The following TBX18 variants were observed in gnomAD, a reference collection of about 807,000 sequenced individuals.
TBX18 encodes the protein T-box transcription factor TBX18.
TBX18 carries 21 observed loss-of-function variants against 55.0 expected under a neutral mutation model. The observed-to-expected ratio is 0.38, with a 90% CI of 0.27 to 0.55. The LOEUF (loss-of-function observed/expected upper bound fraction) is 0.55, where lower values mean the gene tolerates loss of function less well. Ranked by LOEUF, TBX18 falls within the 20% of genes least tolerant of loss-of-function variation. The pLI is 0.73. For synonymous variants in TBX18, 342 were observed against 326.1 expected (o/e 1.05, Z -0.53); for missense variants, 840 against 799.6 (o/e 1.05, Z -0.61).
In TBX18 at chr6:84,736,685, T is replaced by C. The variant is rs753836610; in HGVS notation, c.1824A>G (p.Ter608TrpextTer1). The C allele has an allele frequency of 6.5e-7, 1 of 1,535,370 alleles. No homozygotes were observed. The highest frequency in any genetic ancestry group is 8.7e-7 in the Non-Finnish European group (1 of 1,144,144). The change falls in exon 8 of 8, where the codon TGA (stop) becomes TGG (tryptophan). Residue 608 changes from the stop codon to tryptophan, a stop_lost. Coordinates refer to ENST00000369663, the MANE Select transcript of TBX18 (RefSeq NM_001080508.3). ...SSSQVSAHMV[*>W] ...AATGTCATTTAACTTAAAGGCTTCA[T>C]CAGACCATATGTGCAGATACTTGAG...
At chr6:84,757,105 C>T (rs1767511897) in intron 3 of TBX18, among the ~76,000 whole-genome samples, 1 of 152,152 alleles carries the variant, frequency 6.6e-6, no homozygotes, top group Non-Finnish European at 1.5e-5. Flanking sequence ...TGCATACTAT[C>T]ACCACCATAA....
chr6:84,748,663 C>A (rs1767261577), intron 4 of TBX18, among the ~76,000 whole-genome samples: 1 of 152,190 alleles, frequency 6.6e-6, no homozygotes, highest in East Asian at 1.9e-4. Flanking sequence ...CACAATGAGG[C>A]TTCCATTACT....
intron 3 of TBX18, among the ~76,000 whole-genome samples, chr6:84,757,567 A>G (rs772255029): frequency 6.6e-6 from 1 of 152,066 alleles, no homozygotes; most frequent in Non-Finnish European, 1.5e-5. Flanking sequence ...CTTTCAAATC[A>G]TTTTTCAAAT....
chr6:84,758,407 CAA>C (rs1217785377), intron 3 of TBX18, among the ~76,000 whole-genome samples: 23 of 86,054 alleles, frequency 2.7e-4, no homozygotes, highest in Non-Finnish European at 2.1e-4. Context: ...GACTCCATCT[CAA>C]AAAAAAAAAA....
chr6:84,750,907 T>TATTTCTTAATTA (rs1767331225), intron 4 of TBX18, among the ~76,000 whole-genome samples: 2 of 152,170 alleles, frequency 1.3e-5, no homozygotes, highest in African/African-American at 4.8e-5. Context: ...CCTCCCTCTT[T>TATTTCTTAATTA]ATTTCTTAAT....
At position 84,744,242 on chromosome 6, in the gene TBX18, G is replaced by C. The variant is rs1444721774; in HGVS notation, c.1004+19C>G. The stretch of plus-strand genomic sequence containing the variant: ...CAAATATATTTATCATAACCGGAAT[G>C]GTCTTCACTAAGGCCCACCTGTTGC... On this transcript the variant is annotated intron_variant, in intron 6 of 7. Coordinates refer to ENST00000369663, the MANE Select transcript of TBX18 (RefSeq NM_001080508.3). 2 of 1,600,232 alleles carry C rather than the reference G, an allele frequency of 1.2e-6. No homozygotes were observed. The highest frequency in any genetic ancestry group is 2.2e-5 in the South Asian group (2 of 88,896).
At chr6:84,746,872 TAATA>T (rs1383705768) in intron 5 of TBX18, among the ~76,000 whole-genome samples, 6 of 150,994 alleles carry the variant, frequency 4.0e-5, no homozygotes, top group Non-Finnish European at 7.4e-5. Flanking sequence ...TTAGCATAGA[TAATA>T]AATATATTAT....
intron 4 of TBX18, among the ~76,000 whole-genome samples, chr6:84,748,767 T>C (rs1033461720): frequency 6.6e-6 from 1 of 152,182 alleles, no homozygotes; most frequent in Non-Finnish European, 1.5e-5. Context: ...TGATTCCACA[T>C]CTGAGAATTT....
chr6:84,748,031 G>A lies in TBX18; in HGVS notation c.828C>T (p.Asp276=). Residue 276 remains aspartate (D), a synonymous_variant, in exon 5 of 8, where the codon GAC becomes GAT. Coordinates refer to ENST00000369663, the MANE Select transcript of TBX18 (RefSeq NM_001080508.3). ...YQPRVHVIRK[D]CGDDLSPIKP... is the part of the protein sequence containing the mutation. ...TGATGGGAGAAAGATCGTCTCCACAGTCTTTACGGATGACGTGCACTCGCG... is the reference window on the plus strand; with the variant it reads ...TGATGGGAGAAAGATCGTCTCCACAATCTTTACGGATGACGTGCACTCGCG... 2.5e-6 allele frequency: 4 copies of A among 1,613,552 alleles called. No homozygotes were observed. The highest frequency in any genetic ancestry group is 1.7e-4 in the Middle Eastern group (1 of 6,056).
intron 4 of TBX18, 135 bp downstream of exon 4, chr6:84,756,563 C>T: frequency 1.2e-6 from 1 of 810,594 alleles, no homozygotes; most frequent in Non-Finnish European, 1.9e-6. Flanking sequence ...AAACTTGATT[C>T]TGCAAAGACA....
rs1206463348 is a variant in TBX18 at position 84,732,932 on chromosome 6, G to C, written c.*3753C>G. The C allele has an allele frequency of 6.6e-6, 1 of 151,928 alleles. No homozygotes were observed. Among genetic ancestry groups the C allele is most frequent in the East Asian group, 1.9e-4 (1 of 5,190 alleles). 9.4% of individuals were successfully genotyped at this position (151,928 alleles called of 1,614,324 possible). ...AAATATTTATATAATAGGACCATAT[G>C]AATTGGAAACTAAAAGGAATACTAA... is the stretch of plus-strand genomic sequence containing the variant. On this transcript the variant is annotated 3_prime_UTR_variant, in exon 8 of 8. Transcript: ENST00000369663.
intron 2 of TBX18, 133 bp downstream of exon 2, chr6:84,762,411 C>G: frequency 9.4e-7 from 1 of 1,062,852 alleles, no homozygotes; most frequent in Non-Finnish European, 1.5e-6. Flanking sequence ...CGGTCTGGGG[C>G]CTGGTCCCGT....
intron 4 of TBX18, among the ~76,000 whole-genome samples, chr6:84,754,374 A>G (rs991689499): frequency 6.6e-6 from 1 of 152,170 alleles, no homozygotes; most frequent in Non-Finnish European, 1.5e-5. Flanking sequence ...TTTTACCATT[A>G]CCAAAGGCAA....
rs186964067 is a variant in TBX18, at chr6:84,764,447, C to T, written c.-266G>A. ...ACTGATGCACTCCTTTGCTCCCACCCCTTCCACCTCCTCCTGCTGCTCCGA... is the reference window on the plus strand; with the variant it reads ...ACTGATGCACTCCTTTGCTCCCACCTCTTCCACCTCCTCCTGCTGCTCCGA... On this transcript the variant is annotated 5_prime_UTR_variant, in exon 1 of 8. Coordinates refer to ENST00000369663, the MANE Select transcript of TBX18 (RefSeq NM_001080508.3). 2.5e-5 allele frequency: 11 copies of T among 434,732 alleles called. No individual in the cohort carries two copies. The East Asian group carries it at 3.8e-4, about 15-fold the overall frequency. 26.9% of individuals were successfully genotyped at this position (434,732 alleles called of 1,614,324 possible).
intron 4 of TBX18, among the ~76,000 whole-genome samples, chr6:84,750,521 CATAT>C (rs1292917123): frequency 6.6e-6 from 1 of 152,068 alleles, no homozygotes; most frequent in Non-Finnish European, 1.5e-5. Flanking sequence ...CATTACATTA[CATAT>C]ATTTAAGTCT....
chr6:84,762,818 C>A, intron 1 of TBX18, 70 bp from the exon 2 acceptor site: 1 of 1,449,122 alleles, frequency 6.9e-7, no homozygotes, highest in Non-Finnish European at 9.5e-7. Context: ...CGGAGACGGG[C>A]CCACCTGGTG....
chr6:84,763,437 A>G (rs1767713646), intron 1 of TBX18: 2 of 460,638 alleles, frequency 4.3e-6, no homozygotes, highest in Non-Finnish European at 8.7e-6. Flanking sequence ...TCGGGAAACC[A>G]AGTTTCCAAA....
intron 4 of TBX18, among the ~76,000 whole-genome samples, chr6:84,755,123 A>ATAT (rs1554220590): frequency 3.2e-5 from 1 of 31,254 alleles, no homozygotes; most frequent in Non-Finnish European, 5.6e-5. Flanking sequence ...CATAAAGTTA[A>ATAT]TATATAGATT....
rs1338110404 is a variant in TBX18 at position 84,764,022 on chromosome 6, C to T, written c.160G>A (p.Gly54Ser). Reference protein sequence around the residue: ...EEAAGAVDDGGCSRGGGAGEK... With the variant: ...EEAAGAVDDGSCSRGGGAGEK... Reference sequence around the variant, plus strand: ...CCCGCGCCGCCGCCGCGGCTGCAGCCTCCGTCGTCCACGGCCCCCGCCGCC... The same window carrying T: ...CCCGCGCCGCCGCCGCGGCTGCAGCTTCCGTCGTCCACGGCCCCCGCCGCC... The change falls in exon 1 of 8, where the codon GGC becomes AGC. Residue 54 changes from glycine (G) to serine (S), a missense_variant. By Grantham distance (56) the Gly-to-Ser change is moderately conservative (BLOSUM62 0). Coordinates refer to ENST00000369663, the MANE Select transcript of TBX18 (RefSeq NM_001080508.3). The T allele has an allele frequency of 1.9e-6, 3 of 1,556,162 alleles. No individual in the cohort carries two copies. The highest frequency in any genetic ancestry group is 2.6e-6 in the Non-Finnish European group (3 of 1,154,064).
Sources: gnomAD v4.1 joint callset for allele counts (sites outside exome capture counted in the v4.1 genomes callset) on GRCh38, gnomAD v4.1.1 for gene constraint, MANE v1.5 for transcripts, NCBI Gene and HGNC (gene_info 2026-07-23, HGNC 2026-07-21) for gene names.